Variants in SMCHD1 observed in about 807,000 individuals in gnomAD.
SMCHD1 encodes structural maintenance of chromosomes flexible hinge domain containing 1.
Under a neutral mutation model 254.7 loss-of-function variants are expected in SMCHD1, and 78 were observed. The observed-to-expected ratio is 0.31, with a 90% CI of 0.26 to 0.37. SMCHD1 has a LOEUF of 0.37. Among genes scored for constraint, SMCHD1 ranks in the 10% least tolerant of loss-of-function variants. The probability of loss-of-function intolerance (pLI) is 1.00; values close to 1 mark genes in which losing one functional copy is unlikely to be tolerated. For synonymous variants in SMCHD1, 766 were observed against 794.9 expected, an observed-to-expected ratio of 0.96 and a Z score of 0.61; for missense variants, 1,840 against 2,408.1, an observed-to-expected ratio of 0.76 and a Z score of 4.94.
chr18:2,676,762 C>A (rs1356444556), intron 5 of SMCHD1, among the ~76,000 whole-genome samples: 1 of 152,122 alleles, frequency 6.6e-6, no homozygotes, highest in Non-Finnish European at 1.5e-5. Context: ...CATTTATGAT[C>A]TGTCTACACA....
intron 25 of SMCHD1, among the ~76,000 whole-genome samples, chr18:2,733,386 A>T (rs916742844): frequency 6.6e-6 from 1 of 152,232 alleles, no homozygotes; most frequent in Non-Finnish European, 1.5e-5. Flanking sequence ...AAATACATAA[A>T]TACTATAATA....
chr18:2,722,836 C>CAT (rs1218451067), intron 20 of SMCHD1, among the ~76,000 whole-genome samples, 173 bp downstream of exon 20: 4 of 152,034 alleles, frequency 2.6e-5, no homozygotes, highest in Non-Finnish European at 5.9e-5. Context: ...TGACTAGTGT[C>CAT]ATATATAAAT....
chr18:2,767,842 G>A (rs62077675), intron 37 of SMCHD1, among the ~76,000 whole-genome samples: 29,317 of 151,632 alleles, frequency 0.19, 3,099 homozygotes, highest in South Asian at 0.27. Context: ...CACCCACCTC[G>A]GCCTCCCAAA....
intron 42 of SMCHD1, among the ~76,000 whole-genome samples, chr18:2,777,512 G>C (rs1747916184): frequency 1.1e-5 from 1 of 92,188 alleles, no homozygotes; most frequent in African/African-American, 4.1e-5. Context: ...CTGTCATTTG[G>C]AACAGAGGCT....
At chr18:2,760,883 G>T in intron 35 of SMCHD1, 144 bp downstream of exon 35, 1 of 523,114 alleles carries the variant, frequency 1.9e-6, no homozygotes, top group Non-Finnish European at 3.4e-6. Context: ...AGTAATTATT[G>T]GATGTGAAAT....
rs778214060 is a variant in SMCHD1, at chr18:2,694,586, A to G, written c.933A>G (p.Ile311Met). 10 of 1,609,800 alleles carry G rather than the reference A, an allele frequency of 6.2e-6. No homozygotes were observed. The Admixed American group carries it at 1.7e-4, about 27-fold the overall frequency. ...DDERFLHHLIIEEKEKDSFTA... is the reference protein window; with the variant it reads ...DDERFLHHLIMEEKEKDSFTA... Reference sequence around the variant, plus strand: ...AAAGATTTCTACATCATCTTATCATAGAGGAGAAGGAAAAAGATAGCTTTA... The same window carrying G: ...AAAGATTTCTACATCATCTTATCATGGAGGAGAAGGAAAAAGATAGCTTTA... The change falls in exon 8 of 48, where the codon ATA becomes ATG. Residue 311 changes from isoleucine to methionine, a missense_variant. Coordinates refer to ENST00000320876, the MANE Select transcript of SMCHD1 (RefSeq NM_015295.3).
chr18:2,716,712 G>A (rs1394499180), intron 17 of SMCHD1, among the ~76,000 whole-genome samples: 1 of 152,200 alleles, frequency 6.6e-6, no homozygotes, highest in Non-Finnish European at 1.5e-5. Flanking sequence ...GGAAAGTGGG[G>A]TCGCTAGGGC....
intron 20 of SMCHD1, among the ~76,000 whole-genome samples, chr18:2,723,996 C>T (rs907662808): frequency 6.6e-6 from 1 of 151,706 alleles, no homozygotes; most frequent in African/African-American, 2.4e-5. Context: ...CCTGTCTCTG[C>T]TTCCTTTCCG....
At chr18:2,678,614 T>A (rs1025437605) in intron 5 of SMCHD1, among the ~76,000 whole-genome samples, 1 of 151,952 alleles carries the variant, frequency 6.6e-6, no homozygotes, top group East Asian at 1.9e-4. Flanking sequence ...CCACCGCGCC[T>A]GGCTTGTCTT....
intron 19 of SMCHD1, 38 bp from the exon 20 acceptor site, chr18:2,722,481 T>C (rs755796489): frequency 1.9e-6 from 3 of 1,587,932 alleles, no homozygotes; most frequent in South Asian, 2.3e-5. Flanking sequence ...TTCTGACCAA[T>C]GTACTTGCTT....
Position 2,656,065 on chromosome 18 carries a change from T to A in SMCHD1, c.-11T>A, listed in dbSNP as rs769172056. ...CGGCAGGCGTCGCTGTCTTTTCTCC[T>A]TTTCCCCAATATGGCAGCGGCGGAC... On this transcript the variant is annotated 5_prime_UTR_variant, in exon 1 of 48. Transcript: ENST00000320876. The A allele has an allele frequency of 7.3e-7, 1 of 1,377,030 alleles. No homozygotes were observed. The highest frequency in any genetic ancestry group is 9.4e-7 in the Non-Finnish European group (1 of 1,060,956). The allele number at this position is 1,377,030 out of a possible 1,614,324, so 85.3% of individuals were successfully genotyped here.
At chr18:2,682,308 CT>C (rs2073949949) in intron 5 of SMCHD1, among the ~76,000 whole-genome samples, 1 of 147,136 alleles carries the variant, frequency 6.8e-6, no homozygotes, top group African/African-American at 2.7e-5. Flanking sequence ...TCTTTTCTTT[CT>C]TCTTCTTTTT....
intron 1 of SMCHD1, among the ~76,000 whole-genome samples, chr18:2,658,596 A>G (rs1190090883): frequency 6.6e-6 from 1 of 152,166 alleles, no homozygotes; most frequent in African/African-American, 2.4e-5. Context: ...GGGACCAACT[A>G]GTAAGAAAAA....
intron 45 of SMCHD1, among the ~76,000 whole-genome samples, chr18:2,789,838 AC>A (rs2076292171): frequency 6.6e-6 from 1 of 152,186 alleles, no homozygotes; most frequent in Admixed American, 6.5e-5. Flanking sequence ...AAAGGAAATA[AC>A]TAAGGACACT....
In SMCHD1 at chr18:2,770,768, A is replaced by G. The variant is rs7241190; in HGVS notation, c.4966+660A>G. ...CCCAAGTAGCTAGGATTACAGGCACATGCCACCACGCCTGGCTGATTTTTG... is the reference window on the plus strand; with the variant it reads ...CCCAAGTAGCTAGGATTACAGGCACGTGCCACCACGCCTGGCTGATTTTTG... On this transcript the variant is annotated intron_variant, in intron 39 of 47. Coordinates refer to ENST00000320876, the MANE Select transcript of SMCHD1 (RefSeq NM_015295.3). Among the ~76,000 whole-genome samples the G allele has an allele frequency of 1.9e-3, 296 of 152,132 alleles. 1 individual carries two copies. Among genetic ancestry groups the G allele is most frequent in the South Asian group, 0.014 (69 of 4,806 alleles).
intron 19 of SMCHD1, among the ~76,000 whole-genome samples, chr18:2,719,014 G>A (rs866113246): frequency 6.6e-6 from 1 of 151,426 alleles, no homozygotes; most frequent in African/African-American, 2.4e-5. Flanking sequence ...AACGTTCTCT[G>A]TTCCCCAGTC....
At chr18:2,703,016 A>G (rs1191529213) in intron 12 of SMCHD1, among the ~76,000 whole-genome samples, 1 of 152,198 alleles carries the variant, frequency 6.6e-6, no homozygotes, top group East Asian at 1.9e-4. Flanking sequence ...AGGGTGAAGA[A>G]TGGTTGGCAA....
intron 44 of SMCHD1, among the ~76,000 whole-genome samples, chr18:2,780,554 T>C (rs1160327880): frequency 1.3e-5 from 2 of 151,970 alleles, no homozygotes; most frequent in East Asian, 1.9e-4. Context: ...CTGGTAAGGA[T>C]TGAACTAACT....
intron 7 of SMCHD1, among the ~76,000 whole-genome samples, chr18:2,693,964 A>T (rs1488935161): frequency 1.3e-5 from 2 of 152,140 alleles, no homozygotes; most frequent in Admixed American, 6.5e-5. Context: ...CATACTACAG[A>T]TGGAGAAGTT....
Sources: gnomAD v4.1 joint callset for allele counts (sites outside exome capture counted in the v4.1 genomes callset) on GRCh38, gnomAD v4.1.1 for gene constraint, MANE v1.5 for transcripts, NCBI Gene and HGNC (gene_info 2026-07-23, HGNC 2026-07-21) for gene names.